ANO1: variants seen among roughly 807,000 people sequenced by gnomAD.
ANO1 encodes anoctamin 1.
A neutral mutation model predicts 124.0 loss-of-function variants in ANO1; 59 were observed. The observed-to-expected ratio is 0.48, with a 90% CI of 0.39 to 0.59. The LOEUF (loss-of-function observed/expected upper bound fraction) is 0.59. Ranked by LOEUF, ANO1 falls within the 20% of genes least tolerant of loss-of-function variation. The pLI is 0.00. For synonymous variants in ANO1, 529 were observed against 532.0 expected, an observed-to-expected ratio of 0.99 and a Z score of 0.08; for missense variants, 1,059 against 1,328.0, an observed-to-expected ratio of 0.80 and a Z score of 3.15.
intron 1 of ANO1, among the ~76,000 whole-genome samples, chr11:70,026,260 G>GATGATA (rs1477638941): frequency 6.6e-6 from 1 of 151,128 alleles, no homozygotes; most frequent in Non-Finnish European, 1.5e-5. Flanking sequence ...CAATGATGAT[G>GATGATA]ATGATGGAGG....
chr11:70,146,096 A>G (rs1421237138), intron 11 of ANO1, among the ~76,000 whole-genome samples: 1 of 152,164 alleles, frequency 6.6e-6, no homozygotes, highest in African/African-American at 2.4e-5. Context: ...TTGTGACGCT[A>G]CAGCTATTAT....
chr11:70,132,109 TG>T (rs1565233088), intron 11 of ANO1, 30 bp downstream of exon 11: 2 of 1,557,174 alleles, frequency 1.3e-6, no homozygotes, highest in South Asian at 2.3e-5. Flanking sequence ...ACTGGGTTTT[TG>T]GGCAGTGGTG....
Position 70,095,343 on chromosome 11 carries a change from A to AG in ANO1, c.441+7260dup, listed in dbSNP as rs1218284481. On this transcript the variant is annotated intron_variant, in intron 2 of 25. Transcript: ENST00000355303. Reference sequence around the variant, plus strand: ...AAGGAAAGAAAGAAAGGAAAGAGAAAGAAAAAGAAAGAAAGAAAGAAAGAA... The same window carrying AG: ...AAGGAAAGAAAGAAAGGAAAGAGAAAGGAAAAAGAAAGAAAGAAAGAAAGAA... 4.5e-3 allele frequency among the ~76,000 whole-genome samples: 567 copies of AG among 125,710 alleles called. 36 individuals carry two copies. Among genetic ancestry groups the AG allele is most frequent in the African/African-American group, 0.012 (412 of 35,112 alleles). 82.5% of individuals were successfully genotyped at this position (125,710 alleles called of 152,430 possible).
Position 70,178,199 on chromosome 11 carries a change from C to G in ANO1, c.2351-1805C>G, listed in dbSNP as rs536125385. ...CTCGGAGTCCACGGAGGGCCCTCAG[C>G]CCTGACACCCAGCCAGGAGAAGCCG... is the stretch of plus-strand genomic sequence containing the variant. On this transcript the variant is annotated intron_variant, in intron 22 of 25. Transcript: ENST00000355303. Among the ~76,000 whole-genome samples the G allele has an allele frequency of 4.7e-4, 71 of 152,356 alleles. No homozygotes were observed. In the East Asian group the frequency reaches 0.012, roughly 25 times the overall value.
At chr11:70,151,482 C>G (rs545418375) in intron 12 of ANO1, among the ~76,000 whole-genome samples, 3 of 152,206 alleles carry the variant, frequency 2.0e-5, no homozygotes, top group African/African-American at 7.2e-5. Flanking sequence ...CAGTCACCAT[C>G]TTGTTCAGAA....
intron 1 of ANO1, among the ~76,000 whole-genome samples, chr11:70,019,758 G>T (rs1444889843): frequency 1.3e-5 from 2 of 152,214 alleles, no homozygotes; most frequent in Admixed American, 6.5e-5. Context: ...TCTAGGGCAG[G>T]CCTCATGACT....
intron 16 of ANO1, among the ~76,000 whole-genome samples, chr11:70,159,056 G>T (rs2047939847): frequency 1.3e-5 from 2 of 152,214 alleles, no homozygotes; most frequent in Admixed American, 1.3e-4. Context: ...AGAAGGGCCA[G>T]TGCGGGGCCG....
At chr11:70,118,039 A>G (rs570170456) in intron 8 of ANO1, among the ~76,000 whole-genome samples, 4 of 152,036 alleles carry the variant, frequency 2.6e-5, no homozygotes, top group Non-Finnish European at 5.9e-5. Flanking sequence ...GACCAATTCC[A>G]GCCTCAGAGT....
At chr11:70,009,055 T>G (rs35847404) in intron 1 of ANO1, among the ~76,000 whole-genome samples, 1,816 of 152,316 alleles carry the variant, frequency 0.012, 20 homozygotes, top group Non-Finnish European at 0.02. Context: ...GAGAGTCCTT[T>G]TAGGACCTCC....
chr11:70,131,772 G>A (rs1428072117), intron 10 of ANO1, 147 bp from the exon 11 acceptor site: 13 of 937,462 alleles, frequency 1.4e-5, no homozygotes, highest in Admixed American at 5.1e-5. Context: ...CTAAGCACCC[G>A]GCTTATGTCC....
At chr11:70,150,843 C>T (rs1470556985) in intron 12 of ANO1, among the ~76,000 whole-genome samples, 3 of 152,080 alleles carry the variant, frequency 2.0e-5, no homozygotes, top group African/African-American at 7.2e-5. Flanking sequence ...CTTTTAAAGG[C>T]CTTTTTTCTT....
At chr11:70,053,886 C>T (rs1349547624) in intron 1 of ANO1, among the ~76,000 whole-genome samples, 6 of 152,166 alleles carry the variant, frequency 3.9e-5, no homozygotes, top group African/African-American at 1.2e-4. Flanking sequence ...TGATTGTTTA[C>T]CTCTTCTTAG....
chr11:70,097,914 C>T (rs750604815), intron 2 of ANO1, among the ~76,000 whole-genome samples: 4 of 152,226 alleles, frequency 2.6e-5, no homozygotes, highest in African/African-American at 7.2e-5. Context: ...AGCTCCTATC[C>T]GTGCTGGAAG....
chr11:69,967,333 G>A, the ANO1 span, among the ~76,000 whole-genome samples: 1 of 152,202 alleles, frequency 6.6e-6, no homozygotes, highest in East Asian at 1.9e-4. Context: ...GGCTCTGAGC[G>A]CCGGTATCGC....
chr11:70,185,567 G>T (rs368580617), intron 24 of ANO1, 23 bp from the exon 25 acceptor site: 1 of 1,607,638 alleles, frequency 6.2e-7, no homozygotes, highest in East Asian at 2.2e-5. Flanking sequence ...TCCCACCCTC[G>T]ACTCCACCAC....
the ANO1 span, among the ~76,000 whole-genome samples, chr11:69,980,881 G>GTC: frequency 4.5e-4 from 68 of 151,954 alleles, no homozygotes; most frequent in South Asian, 0.014. Flanking sequence ...GTGAAACCCC[G>GTC]TCTCTACTAA....
intron 1 of ANO1, among the ~76,000 whole-genome samples, chr11:70,025,449 A>G (rs1222693562): frequency 6.6e-6 from 1 of 151,072 alleles, no homozygotes; most frequent in Non-Finnish European, 1.5e-5. Flanking sequence ...GATGACAGTG[A>G]AGATGATGAT....
At chr11:70,035,355 C>T (rs1445204155) in intron 1 of ANO1, among the ~76,000 whole-genome samples, 3 of 152,020 alleles carry the variant, frequency 2.0e-5, no homozygotes, top group South Asian at 2.1e-4. Context: ...CCTGCGCTGG[C>T]GAACTTTTCA....
At chr11:69,984,562 C>G (rs533274993), upstream of ANO1, among the ~76,000 whole-genome samples, 5 of 152,244 alleles carry the variant, frequency 3.3e-5, no homozygotes, top group African/African-American at 9.6e-5. Context: ...GTGGGTTTGC[C>G]GCTTCAAGAG....
Sources: gnomAD v4.1 joint callset for allele counts (sites outside exome capture counted in the v4.1 genomes callset) on GRCh38, gnomAD v4.1.1 for gene constraint, MANE v1.5 for transcripts, NCBI Gene and HGNC (gene_info 2026-07-23, HGNC 2026-07-21) for gene names.